Variants in TBC1D5 observed in about 807,000 individuals in gnomAD.
TBC1D5 encodes TBC1 domain family member 5.
Under a neutral mutation model 100.3 loss-of-function variants are expected in TBC1D5, and 75 were observed. The observed-to-expected ratio is 0.75, with a 90% CI of 0.62 to 0.91. The LOEUF (loss-of-function observed/expected upper bound fraction) is 0.91. Among genes scored for constraint, TBC1D5 ranks in the 40% least tolerant of loss-of-function variants. TBC1D5 has a pLI of 0.00. For missense variants in TBC1D5, 910 were observed against 942.4 expected, an observed-to-expected ratio of 0.97 and a Z score of 0.45; for synonymous variants, 323 against 325.6, an observed-to-expected ratio of 0.99 and a Z score of 0.09.
chr3:17,541,342 A>G (rs2096354868), intron 2 of TBC1D5, among the ~76,000 whole-genome samples: 1 of 152,004 alleles, frequency 6.6e-6, no homozygotes, highest in South Asian at 2.1e-4. Flanking sequence ...TCTTTAATTT[A>G]TTTCAATAAT....
At chr3:17,265,127 A>C (rs1401869326) in intron 15 of TBC1D5, among the ~76,000 whole-genome samples, 1 of 152,218 alleles carries the variant, frequency 6.6e-6, no homozygotes, top group Non-Finnish European at 1.5e-5. Context: ...CATACTATTA[A>C]TGCAGCATTT....
At chr3:17,673,031 G>C (rs1577373196) in intron 1 of TBC1D5, among the ~76,000 whole-genome samples, 1 of 152,140 alleles carries the variant, frequency 6.6e-6, no homozygotes, top group Admixed American at 6.5e-5. Flanking sequence ...GCAAGTAACC[G>C]TTGAGGAATA....
chr3:17,239,163 T>C (rs2076109748), intron 16 of TBC1D5, among the ~76,000 whole-genome samples: 1 of 152,208 alleles, frequency 6.6e-6, no homozygotes, highest in Non-Finnish European at 1.5e-5. Flanking sequence ...TTTTGTTAAC[T>C]ACTATATTGC....
chr3:17,700,220 A>C (rs1312139571), intron 1 of TBC1D5, among the ~76,000 whole-genome samples: 3 of 152,292 alleles, frequency 2.0e-5, no homozygotes, highest in Non-Finnish European at 4.4e-5. Flanking sequence ...CAAAAACAAG[A>C]AATGGGGAAA....
At chr3:17,336,600 C>A (rs934487856) in intron 13 of TBC1D5, among the ~76,000 whole-genome samples, 1 of 151,894 alleles carries the variant, frequency 6.6e-6, no homozygotes, top group Non-Finnish European at 1.5e-5. Flanking sequence ...AAGGGTGGCA[C>A]CCACGTCAAG....
intron 1 of TBC1D5, among the ~76,000 whole-genome samples, chr3:17,734,284 A>G (rs1205291192): frequency 6.6e-6 from 1 of 152,168 alleles, no homozygotes; most frequent in Non-Finnish European, 1.5e-5. Flanking sequence ...GCGGAGGGGG[A>G]GAGAAATCCC....
intron 1 of TBC1D5, among the ~76,000 whole-genome samples, chr3:17,737,744 A>T (rs544084269): frequency 6.6e-6 from 1 of 151,538 alleles, no homozygotes; most frequent in East Asian, 1.9e-4. Context: ...AAAGGTAAAC[A>T]CTCTTGTCTT....
In TBC1D5 at chr3:17,242,855, C is replaced by T. The variant is rs535310475; in HGVS notation, c.1332-4436G>A. ...TATATATAAATATTTTTACTAATTA[C>T]TTTGAAATGAATATCTTTTATTACA... On this transcript the variant is annotated intron_variant, in intron 16 of 21. Transcript: ENST00000253692. Among the ~76,000 whole-genome samples, 12 of 152,142 alleles carry T rather than the reference C, an allele frequency of 7.9e-5. No homozygotes were observed. In the South Asian group the frequency reaches 1.5e-3, roughly 18 times the overall value.
At chr3:17,291,629 G>A (rs2081750541) in intron 15 of TBC1D5, among the ~76,000 whole-genome samples, 2 of 152,164 alleles carry the variant, frequency 1.3e-5, no homozygotes, top group African/African-American at 2.4e-5. Flanking sequence ...TCCTTGACTT[G>A]TGAGGAAGGG....
chr3:17,161,356 G>A lies in TBC1D5; in HGVS notation c.2095-100C>T, dbSNP rs567697738. 1.2e-5 allele frequency: 16 copies of A among 1,335,658 alleles called. No homozygotes were observed. The East Asian group carries it at 3.2e-4, about 27-fold the overall frequency. The allele number at this position is 1,335,658 out of a possible 1,614,324, so 82.7% of individuals were successfully genotyped here. ...CTGGGGGACTCGTGGTGGAAAGCTA[G>A]GCCACCTCACCCTACATTCGACCTT... On this transcript the variant is annotated intron_variant, in intron 21 of 21. Transcript: ENST00000253692.
chr3:17,681,471 A>T (rs1018957531), intron 1 of TBC1D5, among the ~76,000 whole-genome samples: 1 of 151,610 alleles, frequency 6.6e-6, no homozygotes, highest in Non-Finnish European at 1.5e-5. Context: ...GAGGAAATTC[A>T]AAAGAAAACT....
At chr3:17,601,390 A>G (rs763643429) in intron 2 of TBC1D5, among the ~76,000 whole-genome samples, 3 of 152,206 alleles carry the variant, frequency 2.0e-5, no homozygotes, top group East Asian at 1.9e-4. Context: ...ACATGCCTGT[A>G]ATCCCAGCTA....
intron 2 of TBC1D5, among the ~76,000 whole-genome samples, chr3:17,597,939 C>G (rs1042310981): frequency 3.9e-5 from 6 of 152,136 alleles, no homozygotes; most frequent in Non-Finnish European, 8.8e-5. Flanking sequence ...TCCATATAGG[C>G]TCAAGCTCTG....
chr3:17,505,552 C>T (rs768218348), intron 3 of TBC1D5, among the ~76,000 whole-genome samples: 5 of 152,178 alleles, frequency 3.3e-5, no homozygotes, highest in Non-Finnish European at 4.4e-5. Context: ...AAATTTCTCT[C>T]ATCACTGATG....
intron 14 of TBC1D5, among the ~76,000 whole-genome samples, chr3:17,297,594 T>C (rs116098600): frequency 6.6e-6 from 1 of 151,652 alleles, no homozygotes; most frequent in South Asian, 2.1e-4. Flanking sequence ...AAAAATTTCT[T>C]TTTTGGAGAC....
rs138196859 is a variant in TBC1D5 at position 17,660,947 on chromosome 3, C to A, written c.-100-37034G>T. On this transcript the variant is annotated intron_variant, in intron 1 of 21. Transcript: ENST00000253692. ...CAACATTTTATAAACAAATTACAAT[C>A]TTTAGAAGGCTAACGTAAGCTTTCT... Among the ~76,000 whole-genome samples the A allele has an allele frequency of 2.6e-4, 40 of 152,256 alleles. 1 individual carries two copies. In the East Asian group the frequency reaches 7.1e-3, roughly 27 times the overall value.
intron 1 of TBC1D5, among the ~76,000 whole-genome samples, chr3:17,718,879 A>C (rs2075460952): frequency 6.6e-6 from 1 of 152,204 alleles, no homozygotes. Flanking sequence ...AGACTCAAAA[A>C]TAATCAAATT....
At chr3:17,391,370 C>T (rs1236651750) in intron 8 of TBC1D5, among the ~76,000 whole-genome samples, 1 of 152,022 alleles carries the variant, frequency 6.6e-6, no homozygotes, top group African/African-American at 2.4e-5. Context: ...TTTGCAGCTC[C>T]AGTAACCACG....
At chr3:17,339,888 C>G (rs11921357) in intron 13 of TBC1D5, among the ~76,000 whole-genome samples, 3 of 151,970 alleles carry the variant, frequency 2.0e-5, no homozygotes, top group Admixed American at 2.0e-4. Context: ...GATTAAAAAG[C>G]TCAATTAAGA....
Sources: gnomAD v4.1 joint callset for allele counts (sites outside exome capture counted in the v4.1 genomes callset) on GRCh38, gnomAD v4.1.1 for gene constraint, MANE v1.5 for transcripts, NCBI Gene and HGNC (gene_info 2026-07-23, HGNC 2026-07-21) for gene names.